ROR2: variants seen among roughly 807,000 people sequenced by gnomAD.
The protein encoded by ROR2 is ROR family WNT receptor 2.
Under a neutral mutation model 74.9 loss-of-function variants are expected in ROR2, and 33 were observed. That is an observed-to-expected ratio of 0.44 (90% CI 0.33 to 0.59). The LOEUF is 0.59. Among genes scored for constraint, ROR2 ranks in the 20% least tolerant of loss-of-function variants. The pLI, the probability that ROR2 is intolerant of heterozygous loss-of-function variation, is 0.02. For missense variants in ROR2, 1,216 were observed against 1,313.8 expected (o/e 0.93, Z 1.15); for synonymous variants, 586 against 558.7 (o/e 1.05, Z -0.69).
chr9:91,845,951 T>C (rs1828917965), intron 1 of ROR2, among the ~76,000 whole-genome samples: 1 of 144,570 alleles, frequency 6.9e-6, no homozygotes, highest in African/African-American at 2.6e-5. Context: ...TCTACACGGA[T>C]GCAACCACCA....
intron 4 of ROR2, among the ~76,000 whole-genome samples, chr9:91,746,723 A>C (rs1032122909): frequency 5.9e-5 from 9 of 152,212 alleles, no homozygotes; most frequent in African/African-American, 2.2e-4. Flanking sequence ...AGAACGGCTG[A>C]AGTCTTGGAA....
Position 91,723,453 on chromosome 9 carries a change from C to T in ROR2, c.*209G>A, listed in dbSNP as rs1334277007. ...CCCCAGGACGCCGTGCTGCCAGACC[C>T]CCTGCCTGGCTTGGGTGCTCCTAGG... On this transcript the variant is annotated 3_prime_UTR_variant, in exon 9 of 9. Coordinates refer to ENST00000375708, the MANE Select transcript of ROR2 (RefSeq NM_004560.4). 2.9e-6 allele frequency: 2 copies of T among 699,378 alleles called. No individual in the cohort carries two copies. Among genetic ancestry groups the T allele is most frequent in the Non-Finnish European group, 4.7e-6 (2 of 426,494 alleles). The allele number at this position is 699,378 out of a possible 1,614,324, so 43.3% of individuals were successfully genotyped here. A position where few individuals can be genotyped will look rare whatever the true frequency, so the allele number is the denominator to read the frequency against.
chr9:91,757,097 G>T (rs960843101), intron 3 of ROR2, among the ~76,000 whole-genome samples, 175 bp downstream of exon 3: 1 of 152,034 alleles, frequency 6.6e-6, no homozygotes, highest in Admixed American at 6.5e-5. Context: ...TAGTAAATGG[G>T]TAACAGGTCA....
intron 1 of ROR2, among the ~76,000 whole-genome samples, chr9:91,818,080 C>T (rs944032413): frequency 6.6e-6 from 1 of 152,124 alleles, no homozygotes; most frequent in African/African-American, 2.4e-5. Flanking sequence ...GTAGTTTCTG[C>T]CAAACTAAAT....
intron 2 of ROR2, among the ~76,000 whole-genome samples, chr9:91,758,747 G>A (rs1744416142): frequency 6.6e-6 from 1 of 152,212 alleles, no homozygotes; most frequent in African/African-American, 2.4e-5. Context: ...GGAACAAGGG[G>A]AAGTGAAAGG....
intron 1 of ROR2, among the ~76,000 whole-genome samples, chr9:91,875,387 A>T (rs1829927652): frequency 6.6e-6 from 1 of 152,252 alleles, no homozygotes; most frequent in African/African-American, 2.4e-5. Flanking sequence ...AGAATGTCCC[A>T]GTGCCCTAAA....
At chr9:91,762,527 A>T (rs1254669602) in intron 2 of ROR2, among the ~76,000 whole-genome samples, 1 of 152,246 alleles carries the variant, frequency 6.6e-6, no homozygotes, top group Non-Finnish European at 1.5e-5. Flanking sequence ...CACAGCTATC[A>T]AACAATAACC....
chr9:91,827,649 T>C (rs1286382750), intron 1 of ROR2, among the ~76,000 whole-genome samples: 1 of 152,148 alleles, frequency 6.6e-6, no homozygotes, highest in Non-Finnish European at 1.5e-5. Context: ...AAACGTTCCC[T>C]CAAGAGACTG....
intron 2 of ROR2, among the ~76,000 whole-genome samples, chr9:91,765,048 A>G (rs146783305): frequency 5.9e-5 from 9 of 152,296 alleles, no homozygotes; most frequent in African/African-American, 2.2e-4. Flanking sequence ...CTCAGGTCTC[A>G]GTGCTCTTCC....
Position 91,898,627 on chromosome 9 carries a change from G to A in ROR2, c.97+51240C>T, listed in dbSNP as rs1830596262. 2.0e-5 allele frequency among the ~76,000 whole-genome samples: 3 copies of A among 152,334 alleles called. No individual in the cohort carries two copies. In the South Asian group the frequency reaches 6.2e-4, roughly 32 times the overall value. ...ACAGAGCCCCACTTCCCCAGGGAAT[G>A]AGAACAATGAGGAAATGCTAGCAAG... On this transcript the variant is annotated intron_variant, in intron 1 of 8. Transcript: ENST00000375708.
At chr9:91,761,660 T>C (rs541922003) in intron 2 of ROR2, among the ~76,000 whole-genome samples, 1 of 152,294 alleles carries the variant, frequency 6.6e-6, no homozygotes, top group East Asian at 1.9e-4. Flanking sequence ...TGTAGCCCAG[T>C]TCCTAACAGG....
chr9:91,949,119 T>G (rs1054207927), intron 1 of ROR2, among the ~76,000 whole-genome samples: 8 of 137,414 alleles, frequency 5.8e-5, no homozygotes, highest in African/African-American at 1.4e-4. Flanking sequence ...GTCCCGGGGG[T>G]CCCCCCGGCG....
intron 1 of ROR2, among the ~76,000 whole-genome samples, chr9:91,863,140 C>A (rs893001877): frequency 6.6e-6 from 1 of 152,180 alleles, no homozygotes; most frequent in African/African-American, 2.4e-5. Context: ...AATGGTACAG[C>A]GCTGGGGCAA....
intron 4 of ROR2, among the ~76,000 whole-genome samples, chr9:91,749,987 C>T (rs373568713): frequency 2.0e-5 from 3 of 152,096 alleles, no homozygotes; most frequent in African/African-American, 7.2e-5. Flanking sequence ...CTGCAACCTC[C>T]GCCTCCCAGG....
At chr9:91,799,628 C>T (rs1334903077) in intron 1 of ROR2, among the ~76,000 whole-genome samples, 2 of 152,226 alleles carry the variant, frequency 1.3e-5, no homozygotes, top group Admixed American at 1.3e-4. Flanking sequence ...GGAAACACAG[C>T]TTCTCTGCCT....
At chr9:91,948,822 G>A (rs1832083215) in intron 1 of ROR2, 67 of 985,452 alleles carry the variant, frequency 6.8e-5, no homozygotes, top group Non-Finnish European at 7.6e-5. Context: ...TGGCGCTCCT[G>A]GGCCTGAAGG....
chr9:91,831,276 A>G (rs867183381), intron 1 of ROR2, among the ~76,000 whole-genome samples: 1 of 151,970 alleles, frequency 6.6e-6, no homozygotes, highest in African/African-American at 2.4e-5. Context: ...AAAACAAAAA[A>G]AAAAAATTGT....
intron 8 of ROR2, 115 bp downstream of exon 8, chr9:91,726,426 A>T: frequency 9.6e-7 from 1 of 1,039,760 alleles, no homozygotes; most frequent in Non-Finnish European, 1.5e-6. Context: ...AGCGGAGTTT[A>T]AAATAATTAT....
At chr9:91,893,036 G>C (rs935700334) in intron 1 of ROR2, among the ~76,000 whole-genome samples, 1 of 152,144 alleles carries the variant, frequency 6.6e-6, no homozygotes, top group African/African-American at 2.4e-5. Context: ...GTAACCATGG[G>C]AGCAAGCTTC....
Sources: gnomAD v4.1 joint callset for allele counts (sites outside exome capture counted in the v4.1 genomes callset) on GRCh38, gnomAD v4.1.1 for gene constraint, MANE v1.5 for transcripts, NCBI Gene and HGNC (gene_info 2026-07-23, HGNC 2026-07-21) for gene names.